PAF1: variants seen among roughly 807,000 people sequenced by gnomAD.
PAF1 encodes the protein RNA polymerase II-associated factor 1 homolog.
In PAF1, 31 loss-of-function variants were observed where a neutral mutation model predicts 68.4. That is an observed-to-expected ratio of 0.45 (90% CI 0.34 to 0.61). The LOEUF (loss-of-function observed/expected upper bound fraction) is 0.61, where lower values mean the gene tolerates loss of function less well. Ranked by LOEUF, PAF1 falls within the 20% of genes least tolerant of loss-of-function variation. The pLI is 0.01. For missense variants in PAF1, 435 were observed against 692.9 expected, an observed-to-expected ratio of 0.63 and a Z score of 4.18; for synonymous variants, 256 against 240.5, an observed-to-expected ratio of 1.06 and a Z score of -0.60.
rs768458935 is a variant in PAF1, at chr19:39,386,612, TCTG to T, written c.1093-43_1093-41del. 37 of 1,610,306 alleles carry T rather than the reference TCTG, an allele frequency of 2.3e-5. No individual in the cohort carries two copies. Among genetic ancestry groups the T allele is most frequent in the Non-Finnish European group, 2.8e-5 (33 of 1,176,746 alleles). On this transcript the variant is annotated intron_variant, in intron 12 of 13. Transcript: ENST00000221265. The surrounding 1 kb of genome is among the most constrained non-coding windows in gnomAD (Gnocchi z 6.1). ...ATTGGAATGAGGGGAAGGAGGGTGT[TCTG>T]CTGGGTTTTTGTCCCCCTCCTCACC...
In PAF1 at chr19:39,385,720, A is replaced by G. The variant is rs2078230928; in HGVS notation, c.*271T>C. On this transcript the variant is annotated 3_prime_UTR_variant, in exon 14 of 14. Transcript: ENST00000221265. ...AACGAATTCTGACCTTCGTTGTGCT[A>G]CATTTTGTGGGAAACCATTGGCCCT... 5.5e-6 allele frequency: 3 copies of G among 543,936 alleles called. No homozygotes were observed. The highest frequency in any genetic ancestry group is 6.4e-6 in the Non-Finnish European group (2 of 310,834). The allele number at this position is 543,936 out of a possible 1,614,324, so 33.7% of individuals were successfully genotyped here. A position where few individuals can be genotyped will look rare whatever the true frequency, so the allele number is the denominator to read the frequency against.
rs996075232 is a variant in PAF1 at position 39,385,802 on chromosome 19, C to G, written c.*189G>C. The G allele has an allele frequency of 1.2e-6, 1 of 812,244 alleles. No individual in the cohort carries two copies. Among genetic ancestry groups the G allele is most frequent in the Admixed American group, 2.9e-5 (1 of 34,318 alleles). The allele number at this position is 812,244 out of a possible 1,614,324, so 50.3% of individuals were successfully genotyped here. ...AAGATCCTTGAGCACCTGGGGGTTG[C>G]GGGAGGTATGTGCTGGGCTGAATGA... is the stretch of plus-strand genomic sequence containing the variant. On this transcript the variant is annotated 3_prime_UTR_variant, in exon 14 of 14. Transcript: ENST00000221265.
At chr19:39,387,133 C>G in intron 11 of PAF1, 2 of 438,314 alleles carry the variant, frequency 4.6e-6, no homozygotes, top group South Asian at 4.1e-5. Flanking sequence ...CTTACACAAA[C>G]GTACATAGTA....
At position 39,389,243 on chromosome 19, in the gene PAF1, A is replaced by T. The variant is rs1274753952; in HGVS notation, c.461+39T>A. The T allele has an allele frequency of 1.9e-6, 3 of 1,606,224 alleles. No homozygotes were observed. In the African/African-American group the frequency reaches 4.0e-5, roughly 21 times the overall value. On this transcript the variant is annotated intron_variant, in intron 6 of 13. Transcript: ENST00000221265. The surrounding 1 kb of genome is among the most constrained non-coding windows in gnomAD (Gnocchi z 5.3). Reference sequence around the variant, plus strand: ...TCCTTAGGGGCCACTGGACACACCTAATATCTCCACCTTCCCTCTCTTCCT... The same window carrying T: ...TCCTTAGGGGCCACTGGACACACCTTATATCTCCACCTTCCCTCTCTTCCT...
In PAF1 at chr19:39,386,001, T is replaced by G. The variant is rs1386771175; in HGVS notation, c.1586A>C (p.Asp529Ala). 2 of 1,613,654 alleles carry G rather than the reference T, an allele frequency of 1.2e-6. No homozygotes were observed. Among genetic ancestry groups the G allele is most frequent in the Non-Finnish European group, 1.7e-6 (2 of 1,180,004 alleles). The change falls in exon 14 of 14, where the codon GAC (aspartate) becomes GCC (alanine). Residue 529 changes from aspartate to alanine, a missense_variant. Transcript: ENST00000221265. This position sits in a 1 kb window ranked among gnomAD's most constrained non-coding sequence, Gnocchi z 6.1. ...AASDSSEADS[D>A]SD ...TGAATGCCCTGGGACTCAGTCACTG[T>G]CACTATCAGCTTCACTGGAATCAGA... is the stretch of plus-strand genomic sequence containing the variant.
Position 39,386,619 on chromosome 19 carries a change from G to A in PAF1, c.1093-47C>T. 1 of 1,608,482 alleles carries A rather than the reference G, an allele frequency of 6.2e-7. No individual in the cohort carries two copies. The highest frequency in any genetic ancestry group is 8.5e-7 in the Non-Finnish European group (1 of 1,174,992). Reference sequence around the variant, plus strand: ...TGAGGGGAAGGAGGGTGTTCTGCTGGGTTTTTGTCCCCCTCCTCACCTACA... The same window carrying A: ...TGAGGGGAAGGAGGGTGTTCTGCTGAGTTTTTGTCCCCCTCCTCACCTACA... On this transcript the variant is annotated intron_variant, in intron 12 of 13. Coordinates refer to ENST00000221265, the MANE Select transcript of PAF1 (RefSeq NM_019088.4). This position sits in a 1 kb window ranked among gnomAD's most constrained non-coding sequence, Gnocchi z 6.1.
At position 39,385,894 on chromosome 19, in the gene PAF1, G is replaced by C; in HGVS notation, c.*97C>G. ...TATTAACAGCAAAGGTTTGGGGGTG[G>C]GGAACAAACAAGTGAAAGGCTCACA... On this transcript the variant is annotated 3_prime_UTR_variant, in exon 14 of 14. Transcript: ENST00000221265. 2 of 1,529,394 alleles carry C rather than the reference G, an allele frequency of 1.3e-6. No individual in the cohort carries two copies. Among genetic ancestry groups the C allele is most frequent in the Non-Finnish European group, 8.8e-7 (1 of 1,139,410 alleles). 94.7% of individuals were successfully genotyped at this position (1,529,394 alleles called of 1,614,324 possible).
Position 39,388,931 on chromosome 19 carries a change from C to G in PAF1, c.636+16G>C, listed in dbSNP as rs748220213. The stretch of plus-strand genomic sequence containing the variant: ...CAAATAGGCTGTCCCTTTCTACCTC[C>G]CACCTTGGGCCTGACCTTAAAGTCT... On this transcript the variant is annotated intron_variant, in intron 8 of 13. Transcript: ENST00000221265. The G allele has an allele frequency of 3.7e-5, 60 of 1,613,768 alleles. No homozygotes were observed. Among genetic ancestry groups the G allele is most frequent in the Non-Finnish European group, 5.0e-5 (59 of 1,179,662 alleles).
intron 11 of PAF1, chr19:39,387,277 A>G: frequency 2.8e-6 from 1 of 352,732 alleles, no homozygotes. Flanking sequence ...CTAAACATAG[A>G]AAAGGTATAG....
rs772946203 is a variant in PAF1, at chr19:39,390,801, A to G, written c.47+17T>C. 6.4e-7 allele frequency: 1 copy of G among 1,574,034 alleles called. No individual in the cohort carries two copies. The highest frequency in any genetic ancestry group is 1.3e-5 in the African/African-American group (1 of 74,170). On this transcript the variant is annotated intron_variant, in intron 1 of 13. Transcript: ENST00000221265. ...CCGATCCCCCGCCTTGCTGCAACAG[A>G]AAAGCGTGGCGCCTACCTGTGGCCA...
chr19:39,385,876 A>G lies in PAF1; in HGVS notation c.*115T>C. ...GTAAAGAGAAGTTGACTTTATTAAC[A>G]GCAAAGGTTTGGGGGTGGGGAACAA... On this transcript the variant is annotated 3_prime_UTR_variant, in exon 14 of 14. Transcript: ENST00000221265. 1 of 1,465,156 alleles carries G rather than the reference A, an allele frequency of 6.8e-7. No homozygotes were observed. The highest frequency in any genetic ancestry group is 9.1e-7 in the Non-Finnish European group (1 of 1,096,276). 90.8% of individuals were successfully genotyped at this position (1,465,156 alleles called of 1,614,324 possible). A position where few individuals can be genotyped will look rare whatever the true frequency, so the allele number is the denominator to read the frequency against.
chr19:39,389,380 G>C lies in PAF1; in HGVS notation c.363C>G (p.Ser121=), dbSNP rs1198265493. ...ATGGCACCACCTTCGCGTGCTGCTG[G>C]GATCTGGGGTGGGAAATCAGGTATC... ...EIQAPTSSKR[S]QQHAKVVPWM... is the part of the protein sequence containing the mutation. The change falls in exon 6 of 14, where the codon TCC becomes TCG. Residue 121 remains serine (S), a synonymous_variant. Coordinates refer to ENST00000221265, the MANE Select transcript of PAF1 (RefSeq NM_019088.4). The surrounding 1 kb of genome is among the most constrained non-coding windows in gnomAD (Gnocchi z 5.3). 4 of 1,613,900 alleles carry C rather than the reference G, an allele frequency of 2.5e-6. No individual in the cohort carries two copies. In the African/African-American group the frequency reaches 5.3e-5, roughly 22 times the overall value.
chr19:39,389,929 C>T lies in PAF1; in HGVS notation c.170+140G>A, dbSNP rs1483944778. On this transcript the variant is annotated intron_variant, in intron 3 of 13. Coordinates refer to ENST00000221265, the MANE Select transcript of PAF1 (RefSeq NM_019088.4). The surrounding 1 kb of genome is among the most constrained non-coding windows in gnomAD (Gnocchi z 5.3). Reference sequence around the variant, plus strand: ...GGAAGGGACTTGGACACTGCTTGCTCCATTAACAATTGAGCAGCTACTACT... The same window carrying T: ...GGAAGGGACTTGGACACTGCTTGCTTCATTAACAATTGAGCAGCTACTACT... 4 of 1,090,398 alleles carry T rather than the reference C, an allele frequency of 3.7e-6. No homozygotes were observed. The highest frequency in any genetic ancestry group is 2.4e-5 in the East Asian group (1 of 42,404). The allele number at this position is 1,090,398 out of a possible 1,614,324, so 67.5% of individuals were successfully genotyped here. A position where few individuals can be genotyped will look rare whatever the true frequency, so the allele number is the denominator to read the frequency against.
Position 39,386,454 on chromosome 19 carries a change from TCC to T in PAF1, c.1183+26_1183+27del. The stretch of plus-strand genomic sequence containing the variant: ...ACCCACTTTTCCACCCTCCCAGGGC[TCC>T]CAGAGTCTGGCCTGTCCAGATTTAC... On this transcript the variant is annotated intron_variant, in intron 13 of 13. Coordinates refer to ENST00000221265, the MANE Select transcript of PAF1 (RefSeq NM_019088.4). This position sits in a 1 kb window ranked among gnomAD's most constrained non-coding sequence, Gnocchi z 6.1. 6.2e-7 allele frequency: 1 copy of T among 1,614,032 alleles called. No homozygotes were observed. Among genetic ancestry groups the T allele is most frequent in the East Asian group, 2.2e-5 (1 of 44,874 alleles).
At position 39,389,764 on chromosome 19, in the gene PAF1, G is replaced by C; in HGVS notation, c.171-3C>G. 6.2e-7 allele frequency: 1 copy of C among 1,614,098 alleles called. No homozygotes were observed. ...AAGTGGCTTTGTACTGGACGAACCT[G>C]GGTGGGGAAACACCTATTGTGGTGT... On this transcript the variant is annotated splice_polypyrimidine_tract_variant and splice_region_variant and intron_variant, in intron 3 of 13. Transcript: ENST00000221265. The surrounding 1 kb of genome is among the most constrained non-coding windows in gnomAD (Gnocchi z 5.3).
intron 11 of PAF1, among the ~76,000 whole-genome samples, chr19:39,387,580 C>T (rs575069663): frequency 6.6e-6 from 1 of 152,312 alleles, no homozygotes; most frequent in East Asian, 1.9e-4. Context: ...GGTCACAGTT[C>T]TTGTAATCTC....
rs1568371837 is a variant in PAF1, at chr19:39,386,077, G to A, written c.1510C>T (p.Pro504Ser). The part of the protein sequence containing the change: ...RSHSRSASPF[P>S]SGSEHSAQED... ...TGGGCCGAGTGCTCGCTGCCACTGG[G>A]GAAGGGACTGGCGCTGCGGCTGTGG... Residue 504 changes from proline to serine, a missense_variant, in exon 14 of 14, where the codon CCC becomes TCC. Physicochemically the swap from Pro to Ser is moderately conservative, Grantham distance 74. Around this residue, in one of 7 missense-constraint regions of PAF1, gnomAD observed 83 missense variants for 99.9 expected, o/e 0.83. Transcript: ENST00000221265. This position sits in a 1 kb window ranked among gnomAD's most constrained non-coding sequence, Gnocchi z 6.1. 5.0e-6 allele frequency: 8 copies of A among 1,613,928 alleles called. No homozygotes were observed. Among genetic ancestry groups the A allele is most frequent in the Non-Finnish European group, 6.8e-6 (8 of 1,180,004 alleles).
rs1372414807 is a variant in PAF1, at chr19:39,389,215, A to T, written c.462-17T>A. 2 of 1,611,108 alleles carry T rather than the reference A, an allele frequency of 1.2e-6. No homozygotes were observed. Among genetic ancestry groups the T allele is most frequent in the Non-Finnish European group, 1.7e-6 (2 of 1,177,258 alleles). On this transcript the variant is annotated splice_polypyrimidine_tract_variant and intron_variant, in intron 6 of 13. Transcript: ENST00000221265. The surrounding 1 kb of genome is among the most constrained non-coding windows in gnomAD (Gnocchi z 5.3). Reference sequence around the variant, plus strand: ...ACCCCAATCCTAGGAATGAAGAAAAAGGTCCTTAGGGGCCACTGGACACAC... The same window carrying T: ...ACCCCAATCCTAGGAATGAAGAAAATGGTCCTTAGGGGCCACTGGACACAC...
rs1283502065 is a variant in PAF1 at position 39,389,514 on chromosome 19, C to G, written c.325G>C (p.Glu109Gln). Residue 109 changes from glutamate to glutamine, a missense_variant, in exon 5 of 14, where the codon GAA becomes CAA. Glu to Gln is a conservative substitution (Grantham distance 29). Coordinates refer to ENST00000221265, the MANE Select transcript of PAF1 (RefSeq NM_019088.4). This position sits in a 1 kb window ranked among gnomAD's most constrained non-coding sequence, Gnocchi z 5.3. ...LLDPADEKLL[E>Q]EEIQAPTSSK... is the part of the protein sequence containing the mutation. ...CTGGTGGGGGCCTGAATCTCCTCTT[C>G]CAAAAGTTTCTCATCAGCTGGATCT... 2.5e-6 allele frequency: 4 copies of G among 1,614,070 alleles called. No individual in the cohort carries two copies. Among genetic ancestry groups the G allele is most frequent in the African/African-American group, 1.3e-5 (1 of 74,924 alleles).
Sources: gnomAD v4.1 joint callset for allele counts (sites outside exome capture counted in the v4.1 genomes callset) on GRCh38, gnomAD v4.1.1 for gene constraint, gnomAD v4.1.1 regional missense constraint, Gnocchi (gnomAD v3.1) non-coding constraint, MANE v1.5 for transcripts, NCBI Gene and HGNC (gene_info 2026-07-23, HGNC 2026-07-21) for gene names.